The following COG5 variants were observed in gnomAD, a reference collection of about 807,000 sequenced individuals.
COG5 encodes conserved oligomeric Golgi complex subunit 5.
COG5 carries 86 observed loss-of-function variants against 110.4 expected under a neutral mutation model. The observed-to-expected ratio is 0.78, with a 90% CI of 0.65 to 0.93. The LOEUF is 0.93. Among genes scored for constraint, COG5 ranks in the 40% least tolerant of loss-of-function variants. The probability of loss-of-function intolerance (pLI) is 0.00; values close to 1 mark genes in which losing one functional copy is unlikely to be tolerated. For missense variants in COG5, 1,077 were observed against 987.0 expected (o/e 1.09, Z -1.22); for synonymous variants, 360 against 334.6 (o/e 1.08, Z -0.83).
chr7:107,487,689 T>A (rs1356443820), intron 6 of COG5, among the ~76,000 whole-genome samples: 1 of 151,926 alleles, frequency 6.6e-6, no homozygotes, highest in East Asian at 1.9e-4. Flanking sequence ...CAAAGATGTA[T>A]GTTTAAGGAT....
chr7:107,535,625 C>A (rs1231018692), intron 5 of COG5, among the ~76,000 whole-genome samples: 1 of 152,032 alleles, frequency 6.6e-6, no homozygotes, highest in Non-Finnish European at 1.5e-5. Context: ...AAGTTGAATC[C>A]CTGAATAGAC....
intron 7 of COG5, among the ~76,000 whole-genome samples, chr7:107,393,773 T>C (rs1790791994): frequency 6.6e-6 from 1 of 152,178 alleles, no homozygotes; most frequent in South Asian, 2.1e-4. Flanking sequence ...AAAGATAAAT[T>C]ATACTGCAAA....
rs147768553 is a variant in COG5 at position 107,416,767 on chromosome 7, T to C, written c.539-4135A>G. Among the ~76,000 whole-genome samples, 345 of 152,276 alleles carry C rather than the reference T, an allele frequency of 2.3e-3. 3 individuals carry two copies. The East Asian group carries it at 0.03, about 13-fold the overall frequency. The stretch of plus-strand genomic sequence containing the variant: ...AATCAGTTAAAATGTATAATGTCTG[T>C]ATGAGATTAACAGCAGATGGGACGT... On this transcript the variant is annotated intron_variant, in intron 6 of 21. Transcript: ENST00000297135.
chr7:107,548,346 AGTTTACATTG>A lies in COG5; in HGVS notation c.293-24_293-15del. On this transcript the variant is annotated splice_polypyrimidine_tract_variant and intron_variant, in intron 3 of 21. Coordinates refer to ENST00000297135, the MANE Select transcript of COG5 (RefSeq NM_006348.5). ...TCTGAAGAACACCTAGGAAAACATA[AGTTTACATTG>A]GCTTTACAAATTTACAGGGCATCCA... The A allele has an allele frequency of 6.2e-7, 1 of 1,613,290 alleles. No individual in the cohort carries two copies. The highest frequency in any genetic ancestry group is 1.1e-5 in the South Asian group (1 of 91,052).
At chr7:107,219,085 G>A (rs895341073) in intron 19 of COG5, among the ~76,000 whole-genome samples, 3 of 152,012 alleles carry the variant, frequency 2.0e-5, no homozygotes, top group Non-Finnish European at 2.9e-5. Flanking sequence ...ACAGATATAT[G>A]AAAAAATGCT....
intron 5 of COG5, among the ~76,000 whole-genome samples, chr7:107,547,821 C>A (rs923092821): frequency 6.6e-6 from 1 of 151,452 alleles, no homozygotes; most frequent in Non-Finnish European, 1.5e-5. Flanking sequence ...ATAAATTTAA[C>A]CAAGGAGGTG....
chr7:107,212,360 G>A (rs1367467085), intron 19 of COG5, among the ~76,000 whole-genome samples: 1 of 152,204 alleles, frequency 6.6e-6, no homozygotes, highest in Non-Finnish European at 1.5e-5. Context: ...AGGTCTTATG[G>A]CCACACTGAA....
intron 21 of COG5, chr7:107,210,011 G>C (rs545985735): frequency 2.2e-5 from 22 of 1,001,340 alleles, no homozygotes; most frequent in Non-Finnish European, 2.5e-5. Flanking sequence ...GTGTGTGCAC[G>C]TGTGGGCAAG....
At chr7:107,380,542 C>A (rs1815028179) in intron 7 of COG5, among the ~76,000 whole-genome samples, 1 of 152,154 alleles carries the variant, frequency 6.6e-6, no homozygotes, top group Non-Finnish European at 1.5e-5. Context: ...CACCTCTACA[C>A]AAATAAACTA....
At chr7:107,249,707 T>TGC (rs1554401053) in intron 16 of COG5, among the ~76,000 whole-genome samples, 3 of 139,498 alleles carry the variant, frequency 2.2e-5, no homozygotes, top group Non-Finnish European at 4.5e-5. Flanking sequence ...TGTGTGTGTG[T>TGC]GTGTGTGTGT....
At chr7:107,286,705 A>G (rs912079853) in intron 12 of COG5, among the ~76,000 whole-genome samples, 1 of 152,150 alleles carries the variant, frequency 6.6e-6, no homozygotes, top group African/African-American at 2.4e-5. Context: ...TCAACGTGGC[A>G]CTTCTCTTGT....
At chr7:107,291,644 T>C (rs1481612375) in intron 12 of COG5, among the ~76,000 whole-genome samples, 1 of 152,196 alleles carries the variant, frequency 6.6e-6, no homozygotes, top group Admixed American at 6.5e-5. Context: ...CTAAACTCCA[T>C]TAACTGACTG....
At chr7:107,278,233 T>C (rs1421845309) in intron 14 of COG5, among the ~76,000 whole-genome samples, 1 of 152,062 alleles carries the variant, frequency 6.6e-6, no homozygotes, top group Non-Finnish European at 1.5e-5. Context: ...TGATTTCCCT[T>C]CCTTCCTTCC....
At chr7:107,525,252 A>AC (rs1800647589) in intron 6 of COG5, among the ~76,000 whole-genome samples, 2 of 150,828 alleles carry the variant, frequency 1.3e-5, no homozygotes, top group Non-Finnish European at 3.0e-5. Flanking sequence ...TTTTTTTTCG[A>AC]AGACATGACC....
rs993962519 is a variant in COG5, at chr7:107,374,151, C to T, written c.670-1391G>A. 1.8e-4 allele frequency among the ~76,000 whole-genome samples: 28 copies of T among 151,902 alleles called. 1 individual carries two copies. The highest frequency in any genetic ancestry group is 6.0e-4 in the African/African-American group (25 of 41,370). ...TTTTATGTTGTAAATTCTCTATTAACGTATGCCAACAAGGAAAATAAGCTA... is the reference window on the plus strand; with the variant it reads ...TTTTATGTTGTAAATTCTCTATTAATGTATGCCAACAAGGAAAATAAGCTA... On this transcript the variant is annotated intron_variant, in intron 7 of 21. Transcript: ENST00000297135.
intron 21 of COG5, among the ~76,000 whole-genome samples, chr7:107,206,982 T>C (rs1203559079): frequency 6.8e-6 from 1 of 147,156 alleles, no homozygotes; most frequent in Non-Finnish European, 1.5e-5. Context: ...AGGTTATCCT[T>C]ATTGAGAAAA....
intron 7 of COG5, among the ~76,000 whole-genome samples, chr7:107,396,087 T>C (rs1790988448): frequency 6.6e-6 from 1 of 152,220 alleles, no homozygotes; most frequent in Admixed American, 6.5e-5. Flanking sequence ...ATAATATCTG[T>C]GTGCATATGC....
intron 7 of COG5, among the ~76,000 whole-genome samples, chr7:107,379,570 C>T (rs993015984): frequency 2.2e-4 from 26 of 116,304 alleles, no homozygotes; most frequent in African/African-American, 8.3e-4. Flanking sequence ...TAAAGGGATG[C>T]AGGAATATTT....
intron 5 of COG5, among the ~76,000 whole-genome samples, chr7:107,539,838 T>A (rs903436833): frequency 6.6e-6 from 1 of 152,162 alleles, no homozygotes; most frequent in African/African-American, 2.4e-5. Context: ...CGAAATAATT[T>A]TAGAACAACA....
Sources: gnomAD v4.1 joint callset for allele counts (sites outside exome capture counted in the v4.1 genomes callset) on GRCh38, gnomAD v4.1.1 for gene constraint, MANE v1.5 for transcripts, NCBI Gene and HGNC (gene_info 2026-07-23, HGNC 2026-07-21) for gene names.